PTPRM: variants seen among roughly 807,000 people sequenced by gnomAD.
The protein encoded by PTPRM is protein tyrosine phosphatase receptor type M.
PTPRM carries 47 observed loss-of-function variants against 186.7 expected under a neutral mutation model. The ratio of observed to expected loss-of-function variants is 0.25; its 90% CI spans 0.20 to 0.32. The LOEUF is 0.32. Ranked by LOEUF, PTPRM falls within the 10% of genes least tolerant of loss-of-function variation. The pLI is 1.00. For synonymous variants in PTPRM, 668 were observed against 674.9 expected, an observed-to-expected ratio of 0.99 and a Z score of 0.16; for missense variants, 1,494 against 1,865.0, an observed-to-expected ratio of 0.80 and a Z score of 3.66.
chr18:8,246,648 T>A (rs1316336527), intron 15 of PTPRM, among the ~76,000 whole-genome samples: 2 of 152,222 alleles, frequency 1.3e-5, no homozygotes, highest in Non-Finnish European at 2.9e-5. Flanking sequence ...TTTTTTTCAT[T>A]CTTATTTTCA....
intron 3 of PTPRM, among the ~76,000 whole-genome samples, chr18:7,902,943 G>A (rs1301527775): frequency 6.7e-6 from 1 of 149,908 alleles, no homozygotes; most frequent in Non-Finnish European, 1.5e-5. Context: ...CAACTTAAAA[G>A]TAGATTCACA....
chr18:7,934,377 G>C (rs762844196), intron 5 of PTPRM, among the ~76,000 whole-genome samples: 8 of 152,042 alleles, frequency 5.3e-5, no homozygotes, highest in Admixed American at 5.2e-4. Context: ...CTACGCAATC[G>C]TGAAAAAAGT....
chr18:8,235,008 G>T (rs902411693), intron 14 of PTPRM, among the ~76,000 whole-genome samples: 2 of 151,894 alleles, frequency 1.3e-5, no homozygotes, highest in African/African-American at 4.8e-5. Flanking sequence ...GAAGATTTTT[G>T]CATCTGTTTT....
At chr18:8,173,959 C>T (rs1310328427) in intron 14 of PTPRM, among the ~76,000 whole-genome samples, 1 of 151,878 alleles carries the variant, frequency 6.6e-6, no homozygotes, top group Non-Finnish European at 1.5e-5. Flanking sequence ...CCCAGCTACT[C>T]TGGAAGCTGA....
At chr18:7,898,526 C>CA (rs1486159513) in intron 3 of PTPRM, among the ~76,000 whole-genome samples, 2 of 152,174 alleles carry the variant, frequency 1.3e-5, no homozygotes, top group African/African-American at 4.8e-5. Flanking sequence ...TCAAACCTCT[C>CA]AGAGGCCAGT....
intron 11 of PTPRM, among the ~76,000 whole-genome samples, chr18:8,093,624 T>C (rs1342149828): frequency 1.3e-5 from 2 of 152,174 alleles, no homozygotes; most frequent in Non-Finnish European, 2.9e-5. Flanking sequence ...ATTGATCTTA[T>C]AAATAATTAG....
intron 7 of PTPRM, among the ~76,000 whole-genome samples, chr18:7,964,395 G>T (rs1334513674): frequency 6.6e-6 from 1 of 152,198 alleles, no homozygotes; most frequent in Non-Finnish European, 1.5e-5. Context: ...CTCAACAAAC[G>T]AGTTAACCTT....
intron 19 of PTPRM, among the ~76,000 whole-genome samples, chr18:8,285,843 T>A (rs978208937): frequency 4.6e-5 from 7 of 152,068 alleles, no homozygotes; most frequent in African/African-American, 1.7e-4. Context: ...AATACAAAAA[T>A]TAGCTGGGCA....
chr18:7,868,245 G>T (rs2047813247), intron 2 of PTPRM, among the ~76,000 whole-genome samples: 3 of 152,122 alleles, frequency 2.0e-5, no homozygotes, highest in African/African-American at 4.8e-5. Context: ...CACTGGTGAG[G>T]AGTTGTGATC....
intron 11 of PTPRM, among the ~76,000 whole-genome samples, chr18:8,108,937 C>T (rs977992528): frequency 6.6e-6 from 1 of 152,166 alleles, no homozygotes; most frequent in African/African-American, 2.4e-5. Flanking sequence ...GCATGGGCAA[C>T]TCATTAAAAG....
chr18:8,306,654 G>T (rs116205422), intron 20 of PTPRM, among the ~76,000 whole-genome samples: 61 of 152,298 alleles, frequency 4.0e-4, no homozygotes, highest in African/African-American at 1.4e-3. Flanking sequence ...TTATGCCTAG[G>T]CAGTTGAGTT....
chr18:8,000,271 T>C (rs2083790555), intron 7 of PTPRM, among the ~76,000 whole-genome samples: 1 of 152,180 alleles, frequency 6.6e-6, no homozygotes, highest in Non-Finnish European at 1.5e-5. Context: ...GGAATTTACA[T>C]TTAAATTGTA....
intron 13 of PTPRM, among the ~76,000 whole-genome samples, chr18:8,130,631 A>C (rs1392624467): frequency 6.6e-6 from 1 of 152,158 alleles, no homozygotes; most frequent in Non-Finnish European, 1.5e-5. Flanking sequence ...AGATGATAGG[A>C]AAGTGTACCT....
At position 8,078,658 on chromosome 18, in the gene PTPRM, G is replaced by C. The variant is rs544188786; in HGVS notation, c.1551+2094G>C. On this transcript the variant is annotated intron_variant, in intron 9 of 32. Coordinates refer to ENST00000580170, the MANE Select transcript of PTPRM (RefSeq NM_001105244.2). ...CTTGTTTGGCTATAAAGAAATGCCAGAGGCTTGGTAACTTATAAAGAAAAG... is the reference window on the plus strand; with the variant it reads ...CTTGTTTGGCTATAAAGAAATGCCACAGGCTTGGTAACTTATAAAGAAAAG... 4.6e-5 allele frequency among the ~76,000 whole-genome samples: 7 copies of C among 152,340 alleles called. No individual in the cohort carries two copies. The South Asian group carries it at 1.4e-3, about 32-fold the overall frequency.
intron 22 of PTPRM, among the ~76,000 whole-genome samples, chr18:8,334,069 C>T (rs1171446173): frequency 6.6e-6 from 1 of 152,210 alleles, no homozygotes; most frequent in Non-Finnish European, 1.5e-5. Flanking sequence ...GTTTCTTGGG[C>T]TGGAGTAGGT....
intron 1 of PTPRM, among the ~76,000 whole-genome samples, chr18:7,731,444 G>A (rs2040657224): frequency 6.6e-6 from 1 of 152,154 alleles, no homozygotes; most frequent in Non-Finnish European, 1.5e-5. Context: ...CATTTTAAGA[G>A]GTATCGTTTT....
intron 13 of PTPRM, among the ~76,000 whole-genome samples, chr18:8,119,738 A>G (rs555797494): frequency 1.1e-4 from 16 of 152,262 alleles, no homozygotes; most frequent in African/African-American, 3.6e-4. Context: ...GCAGTTAGGT[A>G]AATGCTGGCT....
intron 13 of PTPRM, among the ~76,000 whole-genome samples, chr18:8,133,672 A>G (rs1003673512): frequency 6.6e-6 from 1 of 152,122 alleles, no homozygotes; most frequent in Non-Finnish European, 1.5e-5. Context: ...GAAGGGAAAT[A>G]TTGAGGGTTT....
rs1401578721 is a variant in PTPRM, at chr18:8,236,136, G to A, written c.2301-7922G>A. 5.3e-5 allele frequency among the ~76,000 whole-genome samples: 8 copies of A among 152,266 alleles called. No individual in the cohort carries two copies. In the East Asian group the frequency reaches 1.5e-3, roughly 29 times the overall value. Reference sequence around the variant, plus strand: ...TCAGCCATGTCCTTACTGATTTTCTGCCTGCTGAGCTGTCCATTACTGACA... The same window carrying A: ...TCAGCCATGTCCTTACTGATTTTCTACCTGCTGAGCTGTCCATTACTGACA... On this transcript the variant is annotated intron_variant, in intron 14 of 32. Coordinates refer to ENST00000580170, the MANE Select transcript of PTPRM (RefSeq NM_001105244.2).
Sources: allele counts gnomAD v4.1 joint callset (sites outside exome capture counted in the v4.1 genomes callset), GRCh38; gene constraint gnomAD v4.1.1; transcripts MANE v1.5; gene names NCBI Gene and HGNC (gene_info 2026-07-23, HGNC 2026-07-21).